The following STX8 variants were observed in gnomAD, a reference collection of about 807,000 sequenced individuals.
STX8 encodes syntaxin-8.
Under a neutral mutation model 37.5 loss-of-function variants are expected in STX8, and 23 were observed. The ratio of observed to expected loss-of-function variants is 0.61; its 90% CI spans 0.44 to 0.87. The LOEUF (loss-of-function observed/expected upper bound fraction) is 0.87, where lower values mean the gene tolerates loss of function less well. STX8 is among the 40% of genes least tolerant of loss of function. The pLI, the probability that STX8 is intolerant of heterozygous loss-of-function variation, is 0.00. For synonymous variants in STX8, 115 were observed against 99.1 expected (o/e 1.16, Z -0.95); for missense variants, 313 against 284.7 (o/e 1.10, Z -0.71).
chr17:9,455,405 C>G (rs1000075634), intron 6 of STX8, among the ~76,000 whole-genome samples: 1 of 151,700 alleles, frequency 6.6e-6, no homozygotes, highest in East Asian at 2.0e-4. Flanking sequence ...GACACTGAGG[C>G]AGGAAAATCG....
In STX8 at chr17:9,370,855, T is replaced by TCC. The variant is rs1911380649; in HGVS notation, c.643+7696_643+7697insGG. ...TTTATGTAAATGTCCTTAATGGAAG[T>TCC]AACAGATCTGAAAATACATAGAGGT... On this transcript the variant is annotated intron_variant, in intron 7 of 7. Coordinates refer to ENST00000306357, the MANE Select transcript of STX8 (RefSeq NM_004853.3). 2.7e-5 allele frequency among the ~76,000 whole-genome samples: 4 copies of TCC among 150,340 alleles called. No homozygotes were observed. In the South Asian group the frequency reaches 8.4e-4, roughly 32 times the overall value.
chr17:9,450,401 C>T (rs1905002519), intron 6 of STX8, among the ~76,000 whole-genome samples: 1 of 151,788 alleles, frequency 6.6e-6, no homozygotes, highest in Non-Finnish European at 1.5e-5. Context: ...ACTAAATAAA[C>T]CTCACACTAA....
chr17:9,393,574 A>T (rs1280831626), intron 6 of STX8, among the ~76,000 whole-genome samples: 1 of 152,210 alleles, frequency 6.6e-6, no homozygotes, highest in Non-Finnish European at 1.5e-5. Flanking sequence ...TATAGGGTGT[A>T]AGGTTGATAC....
chr17:9,485,253 G>A (rs1404815607), intron 6 of STX8, among the ~76,000 whole-genome samples: 1 of 152,348 alleles, frequency 6.6e-6, no homozygotes, highest in East Asian at 1.9e-4. Flanking sequence ...AAGGATGACA[G>A]TGGCCCAGAG....
At chr17:9,523,700 T>A (rs937815392) in intron 4 of STX8, among the ~76,000 whole-genome samples, 1 of 152,182 alleles carries the variant, frequency 6.6e-6, no homozygotes, top group African/African-American at 2.4e-5. Context: ...ACTCATTTTA[T>A]AAAGTAAAGG....
chr17:9,515,455 A>G (rs561042331), intron 4 of STX8, among the ~76,000 whole-genome samples: 70 of 152,228 alleles, frequency 4.6e-4, no homozygotes, highest in African/African-American at 1.7e-3. Flanking sequence ...ACTTTCTTCC[A>G]CTTTACTAAA....
intron 6 of STX8, among the ~76,000 whole-genome samples, chr17:9,386,006 T>G (rs1211229781): frequency 6.6e-6 from 1 of 150,500 alleles, no homozygotes; most frequent in Non-Finnish European, 1.5e-5. Flanking sequence ...ACTCCTAACC[T>G]CAGGTGATCC....
intron 7 of STX8, among the ~76,000 whole-genome samples, chr17:9,335,534 G>A (rs979619883): frequency 2.0e-5 from 3 of 151,992 alleles, no homozygotes; most frequent in African/African-American, 7.3e-5. Flanking sequence ...CACAGCACAT[G>A]TAGACACGCT....
chr17:9,396,996 C>T (rs776661299), intron 6 of STX8, among the ~76,000 whole-genome samples: 2 of 152,198 alleles, frequency 1.3e-5, no homozygotes, highest in Non-Finnish European at 2.9e-5. Context: ...AGACTAAAAG[C>T]GAAGGGACTT....
At chr17:9,555,302 T>C (rs1456492742) in intron 3 of STX8, 1 of 152,214 alleles carries the variant, frequency 6.6e-6, no homozygotes, top group Non-Finnish European at 1.5e-5. Context: ...CAATTATAAC[T>C]GTGGTATTCT....
intron 4 of STX8, among the ~76,000 whole-genome samples, chr17:9,543,824 T>A (rs1275017271): frequency 6.6e-6 from 1 of 152,102 alleles, no homozygotes; most frequent in African/African-American, 2.4e-5. Context: ...CCTAACTGAC[T>A]CTTAGGTTCA....
At position 9,279,151 on chromosome 17, in the gene STX8, G is replaced by A. The variant is rs577855915; in HGVS notation, c.644-28506C>T. 5.3e-5 allele frequency among the ~76,000 whole-genome samples: 8 copies of A among 151,350 alleles called. No individual in the cohort carries two copies. In the East Asian group the frequency reaches 7.8e-4, roughly 15 times the overall value. On this transcript the variant is annotated intron_variant, in intron 7 of 7. Coordinates refer to ENST00000306357, the MANE Select transcript of STX8 (RefSeq NM_004853.3). ...CAATCTCGGCTCATTGCAACCTCCC[G>A]GGTTCAAGCAATTTTCCTGCCTCAG...
chr17:9,489,110 CA>C (rs1906737694), intron 6 of STX8, among the ~76,000 whole-genome samples: 1 of 152,148 alleles, frequency 6.6e-6, no homozygotes. Flanking sequence ...CTCCTGACCT[CA>C]AATGATCCAT....
chr17:9,553,549 T>C (rs1373362165), intron 3 of STX8: 1 of 152,208 alleles, frequency 6.6e-6, no homozygotes, highest in Admixed American at 6.5e-5. Context: ...AAATGTGGTA[T>C]TCAAATATTC....
Position 9,482,032 on chromosome 17 carries a change from C to T in STX8, c.541+9797G>A, listed in dbSNP as rs187044201. 1.1e-4 allele frequency among the ~76,000 whole-genome samples: 16 copies of T among 152,194 alleles called. No homozygotes were observed. In the East Asian group the frequency reaches 2.3e-3, roughly 22 times the overall value. On this transcript the variant is annotated intron_variant, in intron 6 of 7. Coordinates refer to ENST00000306357, the MANE Select transcript of STX8 (RefSeq NM_004853.3). The stretch of plus-strand genomic sequence containing the variant: ...AACAAAAAGAATCTTCTAAGCCAGG[C>T]GTGGTGGGACATGCCCATAGTCCCA...
chr17:9,483,837 A>G (rs1376541670), intron 6 of STX8, among the ~76,000 whole-genome samples: 3 of 152,132 alleles, frequency 2.0e-5, no homozygotes, highest in Non-Finnish European at 4.4e-5. Flanking sequence ...TTGTGCCTAC[A>G]CTGTCAGATC....
At chr17:9,312,246 G>T (rs1909217443) in intron 7 of STX8, among the ~76,000 whole-genome samples, 1 of 151,254 alleles carries the variant, frequency 6.6e-6, no homozygotes, top group Non-Finnish European at 1.5e-5. Context: ...TTGTTGTCCA[G>T]GCTGGAGTGC....
chr17:9,278,307 G>A (rs1907750287), intron 7 of STX8, among the ~76,000 whole-genome samples: 1 of 152,206 alleles, frequency 6.6e-6, no homozygotes, highest in Admixed American at 6.5e-5. Context: ...AATTAGCCGG[G>A]CACGGCAGCA....
chr17:9,396,524 A>G (rs1365773082), intron 6 of STX8, among the ~76,000 whole-genome samples: 2 of 152,168 alleles, frequency 1.3e-5, no homozygotes, highest in Admixed American at 6.5e-5. Context: ...CAGCCTGGCC[A>G]ACATGGTGAG....
Sources: gnomAD v4.1 joint callset for allele counts (sites outside exome capture counted in the v4.1 genomes callset) on GRCh38, gnomAD v4.1.1 for gene constraint, MANE v1.5 for transcripts, NCBI Gene and HGNC (gene_info 2026-07-23, HGNC 2026-07-21) for gene names.